PPWD1: variants seen among roughly 807,000 people sequenced by gnomAD.
PPWD1 encodes peptidylprolyl isomerase domain and WD repeat containing 1, also known as peptidylprolyl isomerase domain and WD repeat-containing protein 1.
A neutral mutation model predicts 68.8 loss-of-function variants in PPWD1; 43 were observed. That is an observed-to-expected ratio of 0.62 (90% confidence interval 0.49 to 0.81). The LOEUF (loss-of-function observed/expected upper bound fraction) is 0.81, where lower values mean the gene tolerates loss of function less well. Among genes scored for constraint, PPWD1 ranks in the 30% least tolerant of loss-of-function variants. PPWD1 has a pLI of 0.00. For synonymous variants in PPWD1, 232 were observed against 258.7 expected, an observed-to-expected ratio of 0.90 and a Z score of 0.99; for missense variants, 672 against 804.8, an observed-to-expected ratio of 0.83 and a Z score of 2.00.
At chr5:65,583,250 T>C in intron 8 of PPWD1, 31 bp downstream of exon 8, 11 of 1,458,888 alleles carry the variant, frequency 7.5e-6, no homozygotes, top group Non-Finnish European at 1.0e-5. Context: ...TATTGGCTTA[T>C]GTAATTAAGA....
intron 7 of PPWD1, among the ~76,000 whole-genome samples, chr5:65,581,681 T>C (rs1753605467): frequency 6.6e-6 from 1 of 152,242 alleles, no homozygotes; most frequent in Non-Finnish European, 1.5e-5. Context: ...TTATATTTTT[T>C]CTTTTCCAAG....
rs141224482 is a variant in PPWD1, at chr5:65,587,422, C to A, written c.*26C>A. The stretch of plus-strand genomic sequence containing the variant: ...AATAAGATTTGTTTTAATGTACTTG[C>A]AAATAAAAATACAATATTAAACAGA... On this transcript the variant is annotated 3_prime_UTR_variant, in exon 11 of 11. Coordinates refer to ENST00000261308, the MANE Select transcript of PPWD1 (RefSeq NM_015342.4). 3.6e-5 allele frequency: 55 copies of A among 1,546,192 alleles called. No individual in the cohort carries two copies. The African/African-American group carries it at 6.3e-4, about 18-fold the overall frequency.
At chr5:65,573,236 T>A (rs1051850134) in intron 5 of PPWD1, among the ~76,000 whole-genome samples, 2 of 151,862 alleles carry the variant, frequency 1.3e-5, no homozygotes, top group Non-Finnish European at 2.9e-5. Flanking sequence ...AAATGAAGAG[T>A]CACTTCCCCT....
intron 8 of PPWD1, among the ~76,000 whole-genome samples, chr5:65,583,560 A>G (rs1465250854): frequency 1.3e-5 from 2 of 152,306 alleles, no homozygotes; most frequent in East Asian, 3.9e-4. Flanking sequence ...TTTCCTCTCA[A>G]AGCAAATCCT....
chr5:65,564,605 C>T (rs1460151912), intron 1 of PPWD1, among the ~76,000 whole-genome samples: 2 of 152,150 alleles, frequency 1.3e-5, no homozygotes, highest in Non-Finnish European at 2.9e-5. Context: ...CAGGCATGAG[C>T]CACGGCGCCC....
At chr5:65,576,471 G>A (rs1191367894) in intron 5 of PPWD1, 1 of 411,034 alleles carries the variant, frequency 2.4e-6, no homozygotes, top group Non-Finnish European at 3.3e-6. Context: ...CTGCCTCCTA[G>A]GTTCAAGCGA....
At chr5:65,573,476 T>TATATATATATATA (rs201295161) in intron 5 of PPWD1, among the ~76,000 whole-genome samples, 91 of 59,524 alleles carry the variant, frequency 1.5e-3, no homozygotes, top group Non-Finnish European at 2.1e-3. Context: ...TATATATATA[T>TATATATATATATA]TTTTTTTTTA....
At chr5:65,572,542 T>A (rs1318626576) in intron 5 of PPWD1, among the ~76,000 whole-genome samples, 1 of 152,194 alleles carries the variant, frequency 6.6e-6, no homozygotes, top group Non-Finnish European at 1.5e-5. Context: ...ACAATTTTGT[T>A]TTGTTTGCAA....
At chr5:65,577,478 G>T (rs984791328) in intron 6 of PPWD1, among the ~76,000 whole-genome samples, 22 of 152,190 alleles carry the variant, frequency 1.4e-4, no homozygotes, top group Admixed American at 1.1e-3. Flanking sequence ...AGCCTTTTTT[G>T]TGAAAACAGT....
At chr5:65,576,371 CA>C in intron 5 of PPWD1, 6 of 579,058 alleles carry the variant, frequency 1.0e-5, no homozygotes, top group Non-Finnish European at 1.3e-5. Flanking sequence ...TTTTGAAATA[CA>C]ATTTTTTTTT....
At position 65,584,851 on chromosome 5, in the gene PPWD1, C is replaced by T. The variant is rs942684093; in HGVS notation, c.1533-163C>T. ...AGAATATACTACTTACATGACCCTC[C>T]GTGCTTGTCCTGAGATTAGAGATTA... On this transcript the variant is annotated intron_variant, in intron 8 of 10. Transcript: ENST00000261308. 9.2e-6 allele frequency: 6 copies of T among 654,094 alleles called. No individual in the cohort carries two copies. In the Admixed American group the frequency reaches 2.0e-4, roughly 22 times the overall value. The allele number at this position is 654,094 out of a possible 1,614,324, so 40.5% of individuals were successfully genotyped here. A position where few individuals can be genotyped will look rare whatever the true frequency, so the allele number is the denominator to read the frequency against.
At chr5:65,569,802 ATT>A in intron 3 of PPWD1, 70 bp downstream of exon 3, 2 of 1,548,934 alleles carry the variant, frequency 1.3e-6, no homozygotes, top group South Asian at 2.5e-5. Flanking sequence ...AATTTTTTAA[ATT>A]TTTTTTCTTT....
Position 65,571,974 on chromosome 5 carries a change from C to T in PPWD1, c.657C>T (p.Asp219=). 6.2e-7 allele frequency: 1 copy of T among 1,613,938 alleles called. No homozygotes were observed. The highest frequency in any genetic ancestry group is 2.2e-5 in the East Asian group (1 of 44,874). The change falls in exon 5 of 11, where the codon GAC becomes GAT. Residue 219 remains aspartate (D), a synonymous_variant. Coordinates refer to ENST00000261308, the MANE Select transcript of PPWD1 (RefSeq NM_015342.4). ...ATAACCAGCCACTTCATATTTTTGA[C>T]AAACTCCATACATCACCTCTTACTC... is the stretch of plus-strand genomic sequence containing the variant. ...RGDNQPLHIF[D]KLHTSPLTQI...
intron 1 of PPWD1, among the ~76,000 whole-genome samples, chr5:65,565,777 C>T (rs1430180503): frequency 5.4e-5 from 7 of 129,612 alleles, no homozygotes; most frequent in African/African-American, 2.1e-4. Context: ...CACTGTACTT[C>T]AGCATGGGCA....
intron 1 of PPWD1, among the ~76,000 whole-genome samples, chr5:65,566,517 A>G (rs1171378202): frequency 6.6e-6 from 1 of 152,224 alleles, no homozygotes; most frequent in South Asian, 2.1e-4. Flanking sequence ...AGGTCATGTT[A>G]TATCTGGACA....
At chr5:65,576,817 G>T in intron 5 of PPWD1, 62 bp from the exon 6 acceptor site, 1 of 1,538,550 alleles carries the variant, frequency 6.5e-7, no homozygotes, top group South Asian at 1.2e-5. Context: ...TAGATAGATG[G>T]GTTGATATAG....
intron 1 of PPWD1, among the ~76,000 whole-genome samples, chr5:65,566,214 G>A (rs1752751199): frequency 6.6e-6 from 1 of 152,166 alleles, no homozygotes; most frequent in African/African-American, 2.4e-5. Flanking sequence ...TGAAGAGATA[G>A]AGCTGTACTT....
chr5:65,565,089 T>G (rs1283869841), intron 1 of PPWD1, among the ~76,000 whole-genome samples: 1 of 152,264 alleles, frequency 6.6e-6, no homozygotes. Flanking sequence ...TACTTCCTGG[T>G]CCTCTTATTA....
chr5:65,574,833 A>G (rs1561726747), intron 5 of PPWD1, among the ~76,000 whole-genome samples: 1 of 152,260 alleles, frequency 6.6e-6, no homozygotes. Context: ...TGTCTTCAAC[A>G]TTTGCTTAAA....
Sources: gnomAD v4.1 joint callset for allele counts (sites outside exome capture counted in the v4.1 genomes callset) on GRCh38, gnomAD v4.1.1 for gene constraint, MANE v1.5 for transcripts, NCBI Gene and HGNC (gene_info 2026-07-23, HGNC 2026-07-21) for gene names.